The following TMEM132B variants were observed in gnomAD, a reference collection of about 807,000 sequenced individuals.
The protein encoded by TMEM132B is transmembrane protein 132B.
Under a neutral mutation model 90.8 loss-of-function variants are expected in TMEM132B, and 18 were observed. The ratio of observed to expected loss-of-function variants is 0.20; its 90% confidence interval spans 0.14 to 0.29. TMEM132B has a LOEUF of 0.29. Among genes scored for constraint, TMEM132B ranks in the 10% least tolerant of loss-of-function variants. The pLI is 1.00. For missense variants in TMEM132B, 1,096 were observed against 1,326.8 expected (o/e 0.83, Z 2.70); for synonymous variants, 504 against 523.3 (o/e 0.96, Z 0.50).
chr12:125,312,307 T>G (rs1876142566), intron 1 of TMEM132B, among the ~76,000 whole-genome samples: 1 of 152,252 alleles, frequency 6.6e-6, no homozygotes, highest in Non-Finnish European at 1.5e-5. Flanking sequence ...TCCTTCCAGC[T>G]GCCTCGCATG....
intron 5 of TMEM132B, among the ~76,000 whole-genome samples, chr12:125,623,510 A>G (rs1231956943): frequency 6.6e-6 from 1 of 151,862 alleles, no homozygotes; most frequent in African/African-American, 2.4e-5. Flanking sequence ...GGTGCCATCT[A>G]ATAGGGAGTG....
chr12:125,517,608 G>A (rs1883200516), intron 3 of TMEM132B, among the ~76,000 whole-genome samples: 1 of 152,072 alleles, frequency 6.6e-6, no homozygotes, highest in African/African-American at 2.4e-5. Flanking sequence ...GTTTGCCCAC[G>A]GGAGCCCCTA....
intron 4 of TMEM132B, among the ~76,000 whole-genome samples, chr12:125,545,281 CTT>C (rs968040599): frequency 2.0e-5 from 3 of 152,178 alleles, no homozygotes; most frequent in Non-Finnish European, 4.4e-5. Context: ...TATAGGAACT[CTT>C]TGTAGTTTGT....
chr12:125,240,005 C>G (rs1874030481), intron 1 of TMEM132B, among the ~76,000 whole-genome samples: 1 of 152,214 alleles, frequency 6.6e-6, no homozygotes, highest in African/African-American at 2.4e-5. Context: ...CATCCCAATT[C>G]AGCTGGTGGC....
intron 1 of TMEM132B, among the ~76,000 whole-genome samples, chr12:125,268,345 G>A (rs959178214): frequency 2.0e-5 from 3 of 152,228 alleles, no homozygotes; most frequent in African/African-American, 7.2e-5. Flanking sequence ...TTGTACCTGT[G>A]CAGATTAACC....
At chr12:125,198,589 G>A (rs1013765383) in intron 1 of TMEM132B, among the ~76,000 whole-genome samples, 1 of 152,232 alleles carries the variant, frequency 6.6e-6, no homozygotes, top group African/African-American at 2.4e-5. Flanking sequence ...GACTGGGACT[G>A]TGGGGATGGA....
intron 3 of TMEM132B, among the ~76,000 whole-genome samples, chr12:125,476,241 T>C (rs1881878814): frequency 1.3e-5 from 2 of 152,246 alleles, no homozygotes; most frequent in South Asian, 4.1e-4. Context: ...ATTTGCAGTG[T>C]CGTCCCTCCA....
chr12:125,570,864 G>T (rs1259116550), intron 4 of TMEM132B, among the ~76,000 whole-genome samples: 1 of 152,098 alleles, frequency 6.6e-6, no homozygotes, highest in Non-Finnish European at 1.5e-5. Flanking sequence ...TCTGTGCTAG[G>T]GATCAAAGAG....
intron 7 of TMEM132B, 57 bp from the exon 8 acceptor site, chr12:125,652,384 G>A: frequency 1.4e-6 from 2 of 1,478,164 alleles, no homozygotes; most frequent in South Asian, 1.4e-5. Context: ...CCCAGTTAAG[G>A]GATTCATGGT....
At chr12:125,521,495 G>C (rs1161512077) in intron 4 of TMEM132B, among the ~76,000 whole-genome samples, 1 of 152,210 alleles carries the variant, frequency 6.6e-6, no homozygotes, top group Non-Finnish European at 1.5e-5. Context: ...AGTTAGAACA[G>C]AGCAGCTTTA....
At chr12:125,330,035 G>A (rs1355432148) in intron 1 of TMEM132B, among the ~76,000 whole-genome samples, 1 of 152,226 alleles carries the variant, frequency 6.6e-6, no homozygotes, top group African/African-American at 2.4e-5. Flanking sequence ...TTCCGTGGCC[G>A]ACGCTGTGGT....
At chr12:125,319,156 GA>G (rs1486606299) in intron 1 of TMEM132B, among the ~76,000 whole-genome samples, 1 of 152,226 alleles carries the variant, frequency 6.6e-6, no homozygotes. Flanking sequence ...TGTAAAATGG[GA>G]AGAATTTAGT....
chr12:125,636,748 C>T (rs1055364557), intron 5 of TMEM132B, among the ~76,000 whole-genome samples: 3 of 152,156 alleles, frequency 2.0e-5, no homozygotes, highest in Non-Finnish European at 2.9e-5. Context: ...GATGAAACTG[C>T]GGAAATTTAT....
intron 1 of TMEM132B, among the ~76,000 whole-genome samples, chr12:125,265,815 G>C (rs1429695027): frequency 6.6e-6 from 1 of 152,174 alleles, no homozygotes; most frequent in Non-Finnish European, 1.5e-5. Context: ...ATTATTACAA[G>C]TAGTGACTTC....
intron 6 of TMEM132B, 102 bp from the exon 7 acceptor site, chr12:125,650,580 AT>A (rs1276418983): frequency 7.4e-7 from 1 of 1,358,458 alleles, no homozygotes; most frequent in Non-Finnish European, 1.0e-6. Flanking sequence ...GAGAAGGACC[AT>A]TTCATTTCAT....
intron 4 of TMEM132B, among the ~76,000 whole-genome samples, chr12:125,544,667 A>AT (rs1884044713): frequency 6.6e-6 from 1 of 152,188 alleles, no homozygotes; most frequent in Admixed American, 6.5e-5. Flanking sequence ...TCTCTATGCC[A>AT]TTTTCTACAC....
In TMEM132B at chr12:125,642,458, A is replaced by C. The variant is rs1475041283; in HGVS notation, c.1438-1618A>C. Among the ~76,000 whole-genome samples the C allele has an allele frequency of 2.0e-5, 3 of 152,336 alleles. No individual in the cohort carries two copies. The South Asian group carries it at 6.2e-4, about 32-fold the overall frequency. On this transcript the variant is annotated intron_variant, in intron 5 of 8. Coordinates refer to ENST00000682704, the MANE Select transcript of TMEM132B (RefSeq NM_001366854.1). ...CTTTTTTTAATTTGAAAAGTTAAAG[A>C]AATGCCATATTCAGCTCCCTGTGGA...
rs560714191 is a variant in TMEM132B, at chr12:125,384,092, G to C, written c.960-31439G>C. On this transcript the variant is annotated intron_variant, in intron 2 of 8. Coordinates refer to ENST00000682704, the MANE Select transcript of TMEM132B (RefSeq NM_001366854.1). ...TTCCCAAGTAGCTGGGATTACAGGC[G>C]TGTGCCACCATGTCCGGCTAATTTT... is the stretch of plus-strand genomic sequence containing the variant. Among the ~76,000 whole-genome samples, 10 of 152,134 alleles carry C rather than the reference G, an allele frequency of 6.6e-5. No homozygotes were observed. In the East Asian group the frequency reaches 1.9e-3, roughly 29 times the overall value.
intron 3 of TMEM132B, among the ~76,000 whole-genome samples, chr12:125,417,476 C>T (rs556454823): frequency 9.2e-5 from 14 of 152,304 alleles, no homozygotes; most frequent in African/African-American, 3.4e-4. Flanking sequence ...GTTTGCCACA[C>T]TCTTTGAAGC....
Sources: gnomAD v4.1 joint callset for allele counts (sites outside exome capture counted in the v4.1 genomes callset) on GRCh38, gnomAD v4.1.1 for gene constraint, MANE v1.5 for transcripts, NCBI Gene and HGNC (gene_info 2026-07-23, HGNC 2026-07-21) for gene names.